Variants in CDH12 observed in about 807,000 individuals in gnomAD.
The protein encoded by CDH12 is cadherin-12.
A neutral mutation model predicts 74.1 loss-of-function variants in CDH12; 41 were observed. The observed-to-expected ratio is 0.55, with a 90% CI of 0.43 to 0.72. CDH12 has a LOEUF of 0.72. Ranked by LOEUF, CDH12 falls within the 30% of genes least tolerant of loss-of-function variation. The pLI is 0.00. For synonymous variants in CDH12, 399 were observed against 355.0 expected (o/e 1.12, Z -1.39); for missense variants, 945 against 977.2 (o/e 0.97, Z 0.44).
chr5:22,757,839 A>C (rs923913886), intron 1 of CDH12, among the ~76,000 whole-genome samples: 1 of 152,196 alleles, frequency 6.6e-6, no homozygotes, highest in Non-Finnish European at 1.5e-5. Flanking sequence ...TTCATGCATT[A>C]CACTGCCAAT....
At chr5:21,898,498 C>T (rs546294467) in intron 6 of CDH12, among the ~76,000 whole-genome samples, 12 of 152,004 alleles carry the variant, frequency 7.9e-5, no homozygotes, top group East Asian at 5.8e-4. Context: ...GTCAGGAGAT[C>T]GAGACCATCC....
intron 5 of CDH12, among the ~76,000 whole-genome samples, chr5:22,064,685 T>C (rs1040341726): frequency 6.6e-6 from 1 of 152,170 alleles, no homozygotes; most frequent in Non-Finnish European, 1.5e-5. Context: ...TAAATAATCA[T>C]TTAATGTATA....
chr5:22,141,148 A>AAT (rs1285582676), intron 4 of CDH12: 2 of 152,126 alleles, frequency 1.3e-5, no homozygotes, highest in African/African-American at 4.8e-5. Flanking sequence ...TTTATTCATT[A>AAT]ATTGGACAGA....
intron 6 of CDH12, among the ~76,000 whole-genome samples, chr5:21,932,097 C>T (rs1173512553): frequency 6.6e-6 from 1 of 152,166 alleles, no homozygotes; most frequent in African/African-American, 2.4e-5. Flanking sequence ...ATACTCTACA[C>T]AAATGAAACA....
intron 1 of CDH12, among the ~76,000 whole-genome samples, chr5:22,564,269 G>C (rs752344415): frequency 3.9e-5 from 6 of 152,154 alleles, no homozygotes; most frequent in Non-Finnish European, 8.8e-5. Flanking sequence ...CTATTTTGGA[G>C]TTCTAACTTG....
intron 10 of CDH12, among the ~76,000 whole-genome samples, chr5:21,800,086 A>G (rs566693264): frequency 6.6e-6 from 1 of 152,240 alleles, no homozygotes; most frequent in African/African-American, 2.4e-5. Flanking sequence ...TCCTCTTTCT[A>G]CATCTTGGAA....
rs573092101 is a variant in CDH12, at chr5:22,542,860, T to C, written c.-522-37496A>G. On this transcript the variant is annotated intron_variant, in intron 1 of 14. Coordinates refer to ENST00000382254, the MANE Select transcript of CDH12 (RefSeq NM_004061.5). ...GGCTTTAATTTTATGTTCACTGGCA[T>C]TGATAATTTTTGACAGTCACATTTA... 6.6e-5 allele frequency among the ~76,000 whole-genome samples: 10 copies of C among 152,276 alleles called. No homozygotes were observed. In the South Asian group the frequency reaches 1.2e-3, roughly 19 times the overall value.
At chr5:21,810,726 CATAAT>C (rs1260009111) in intron 9 of CDH12, among the ~76,000 whole-genome samples, 3 of 151,986 alleles carry the variant, frequency 2.0e-5, no homozygotes, top group South Asian at 2.1e-4. Flanking sequence ...AAAACAGAAA[CATAAT>C]ATAGAAACAA....
At chr5:21,926,876 A>G (rs1754606419) in intron 6 of CDH12, among the ~76,000 whole-genome samples, 1 of 152,208 alleles carries the variant, frequency 6.6e-6, no homozygotes, top group East Asian at 1.9e-4. Context: ...ACTATAAAAA[A>G]TGAAGTAGGA....
chr5:21,994,924 AGCAACG>A (rs1056007765), intron 5 of CDH12, among the ~76,000 whole-genome samples: 1 of 152,272 alleles, frequency 6.6e-6, no homozygotes, highest in African/African-American at 2.4e-5. Context: ...CACCTGAGCC[AGCAACG>A]GCAACGGAGT....
chr5:22,602,935 T>G (rs546887223), intron 1 of CDH12, among the ~76,000 whole-genome samples: 85 of 152,304 alleles, frequency 5.6e-4, no homozygotes, highest in African/African-American at 1.9e-3. Context: ...TGAAGATAAT[T>G]GACTCTGAGT....
chr5:22,172,635 G>C (rs1375544837), intron 4 of CDH12: 3 of 151,776 alleles, frequency 2.0e-5, no homozygotes, highest in Non-Finnish European at 4.4e-5. Flanking sequence ...AATGAATGTG[G>C]TTTTCGGAAC....
At chr5:21,824,711 G>T (rs1337131017) in intron 8 of CDH12, among the ~76,000 whole-genome samples, 1 of 152,058 alleles carries the variant, frequency 6.6e-6, no homozygotes, top group Non-Finnish European at 1.5e-5. Context: ...TAAATGGAAG[G>T]CCCCATTCAC....
At chr5:21,979,849 G>A (rs916612396) in intron 5 of CDH12, among the ~76,000 whole-genome samples, 3 of 151,462 alleles carry the variant, frequency 2.0e-5, no homozygotes, top group Non-Finnish European at 4.4e-5. Flanking sequence ...CTAGATCCCT[G>A]AGGAATCGCC....
At chr5:22,061,816 A>G (rs898938039) in intron 5 of CDH12, among the ~76,000 whole-genome samples, 5 of 152,162 alleles carry the variant, frequency 3.3e-5, no homozygotes, top group South Asian at 2.1e-4. Context: ...TCTGGTGCCA[A>G]TATAACTTGT....
At chr5:21,929,597 G>A (rs1754744459) in intron 6 of CDH12, among the ~76,000 whole-genome samples, 1 of 152,040 alleles carries the variant, frequency 6.6e-6, no homozygotes, top group South Asian at 2.1e-4. Context: ...GCTCACTGCA[G>A]CCTCAACCTC....
Position 22,807,255 on chromosome 5 carries a change from T to C in CDH12, c.-523+45803A>G, listed in dbSNP as rs114402414. 5.5e-3 allele frequency among the ~76,000 whole-genome samples: 844 copies of C among 152,338 alleles called. 6 individuals are homozygous for C. The highest frequency in any genetic ancestry group is 0.019 in the African/African-American group (794 of 41,578). On this transcript the variant is annotated intron_variant, in intron 1 of 14. Coordinates refer to ENST00000382254, the MANE Select transcript of CDH12 (RefSeq NM_004061.5). ...TAATATTATAGTCATTATGTTGGAA[T>C]TTTCAGTGATTATCTTTCAAGGATA...
At chr5:22,525,549 G>A (rs959229468) in intron 1 of CDH12, among the ~76,000 whole-genome samples, 6 of 151,150 alleles carry the variant, frequency 4.0e-5, no homozygotes, top group African/African-American at 1.5e-4. Context: ...AGGGAGGGAG[G>A]GAGGGAATGG....
chr5:22,188,640 C>T (rs937324052), intron 4 of CDH12, among the ~76,000 whole-genome samples: 4 of 152,190 alleles, frequency 2.6e-5, no homozygotes, highest in South Asian at 2.1e-4. Context: ...TCTCACATAA[C>T]GTCCACAAAT....
Sources: allele counts gnomAD v4.1 joint callset (sites outside exome capture counted in the v4.1 genomes callset), GRCh38; gene constraint gnomAD v4.1.1; transcripts MANE v1.5; gene names NCBI Gene and HGNC (gene_info 2026-07-23, HGNC 2026-07-21).